EFCAB8: variants seen among roughly 807,000 people sequenced by gnomAD.
EFCAB8 encodes EF-hand calcium-binding domain-containing protein 8.
In EFCAB8, 100 loss-of-function variants were observed where a neutral mutation model predicts 116.3. The observed-to-expected ratio is 0.86, with a 90% CI of 0.73 to 1.02. EFCAB8 has a LOEUF of 1.02. Ranked by LOEUF, EFCAB8 falls within the 50% of genes least tolerant of loss-of-function variation. The pLI, the probability that EFCAB8 is intolerant of heterozygous loss-of-function variation, is 0.00. For missense variants in EFCAB8, 1,320 were observed against 1,416.9 expected (o/e 0.93, Z 1.10); for synonymous variants, 558 against 567.9 (o/e 0.98, Z 0.25).
intron 7 of EFCAB8, among the ~76,000 whole-genome samples, chr20:32,891,713 G>A (rs1985921668): frequency 6.6e-6 from 1 of 152,220 alleles, no homozygotes; most frequent in South Asian, 2.1e-4. Flanking sequence ...GGCCGGCCAC[G>A]TAGAGAGGCA....
intron 16 of EFCAB8, 40 bp from the exon 17 acceptor site, chr20:32,912,754 T>C (rs1987001785): frequency 2.8e-6 from 2 of 717,700 alleles, no homozygotes; most frequent in Non-Finnish European, 5.2e-6. Context: ...CCATTTTCTC[T>C]GATAAGTTTT....
In EFCAB8 at chr20:32,931,264, C is replaced by T. The variant is rs754327680; in HGVS notation, c.2718C>T (p.Asn906=). 16 of 1,551,642 alleles carry T rather than the reference C, an allele frequency of 1.0e-5. No homozygotes were observed. Among genetic ancestry groups the T allele is most frequent in the Non-Finnish European group, 6.1e-6 (7 of 1,146,950 alleles). Residue 906 remains asparagine (N), a synonymous_variant, in exon 22 of 27, where the codon AAC becomes AAT. Coordinates refer to ENST00000400522, the MANE Select transcript of EFCAB8 (RefSeq NM_001143967.2). ...CCAAGGTTGTCTCTGAAGCACACAA[C>T]AAGTTCCGGTTGTTAATTCCTCAGC... ...SGAKVVSEAH[N]KFRLLIPQQL...
chr20:32,940,023 CCCTTCCTTCCTTCCTTCCTTCCTTCCTT>C (rs757461144), intron 22 of EFCAB8, among the ~76,000 whole-genome samples: 1 of 56,074 alleles, frequency 1.8e-5, no homozygotes, highest in Non-Finnish European at 3.4e-5. Flanking sequence ...CTCCCTCCCT[CCCTTCCTTCCTTCCTTCCTTCCTTCCTT>C]CCTTCCTTCC....
intron 23 of EFCAB8, among the ~76,000 whole-genome samples, chr20:32,954,093 A>G (rs1289619397): frequency 6.6e-6 from 1 of 152,174 alleles, no homozygotes; most frequent in Non-Finnish European, 1.5e-5. Context: ...GATGTGAGCC[A>G]CCACACCCAG....
At chr20:32,906,467 C>A in intron 11 of EFCAB8, 95 bp from the exon 12 acceptor site, 1 of 701,558 alleles carries the variant, frequency 1.4e-6, no homozygotes, top group Non-Finnish European at 2.6e-6. Flanking sequence ...CTGGGAGGCT[C>A]TGCCTCTAGC....
chr20:32,865,099 C>T (rs950762042), intron 2 of EFCAB8, among the ~76,000 whole-genome samples: 4 of 152,192 alleles, frequency 2.6e-5, no homozygotes, highest in African/African-American at 9.7e-5. Flanking sequence ...GTGTGCTTCC[C>T]CTCATGCCTT....
At chr20:32,942,900 T>G (rs1988449671) in intron 22 of EFCAB8, among the ~76,000 whole-genome samples, 1 of 152,230 alleles carries the variant, frequency 6.6e-6, no homozygotes, top group African/African-American at 2.4e-5. Flanking sequence ...TTACCACTCT[T>G]ACTATATACC....
At chr20:32,910,435 G>C (rs949929590) in intron 15 of EFCAB8, among the ~76,000 whole-genome samples, 1 of 152,142 alleles carries the variant, frequency 6.6e-6, no homozygotes, top group South Asian at 2.1e-4. Flanking sequence ...TTGCTTCTGA[G>C]GTGTGAGGAT....
At chr20:32,891,150 C>G (rs1009921005) in intron 7 of EFCAB8, among the ~76,000 whole-genome samples, 1 of 152,184 alleles carries the variant, frequency 6.6e-6, no homozygotes, top group Non-Finnish European at 1.5e-5. Flanking sequence ...CACTCTGTCA[C>G]CCAGGCTGGA....
rs991918481 is a variant in EFCAB8 at position 32,908,317 on chromosome 20, T to C, written c.1351T>C (p.Ser451Pro). Residue 451 changes from serine to proline, a missense_variant, in exon 14 of 27, where the codon TCC becomes CCC. Physicochemically the swap from Ser to Pro is moderately conservative, Grantham distance 74 (BLOSUM62 -1). Transcript: ENST00000400522. ...CATGCTGGACTACATATGCCTCCAGTCCTTCTGTGGGAAGTTTTTTGCTCT... is the reference window on the plus strand; with the variant it reads ...CATGCTGGACTACATATGCCTCCAGCCCTTCTGTGGGAAGTTTTTTGCTCT... ...WDMLDYICLQSFCGKFFALGN... is the reference protein window; with the variant it reads ...WDMLDYICLQPFCGKFFALGN... 6.4e-6 allele frequency: 8 copies of C among 1,249,818 alleles called. No homozygotes were observed. The Admixed American group carries it at 3.4e-4, about 53-fold the overall frequency. The allele number at this position is 1,249,818 out of a possible 1,614,324, so 77.4% of individuals were successfully genotyped here.
chr20:32,875,833 C>T lies in EFCAB8; in HGVS notation c.209-93C>T, dbSNP rs752298671. On this transcript the variant is annotated intron_variant, in intron 3 of 26. Transcript: ENST00000400522. ...CGTAGATGTGGTCTTCAGTGTGTCC[C>T]CCTCAGCACCCAGACACTTGAGAAC... 5 of 1,134,888 alleles carry T rather than the reference C, an allele frequency of 4.4e-6. No individual in the cohort carries two copies. In the African/African-American group the frequency reaches 4.6e-5, roughly 11 times the overall value. 70.3% of individuals were successfully genotyped at this position (1,134,888 alleles called of 1,614,324 possible).
chr20:32,885,775 G>A, intron 6 of EFCAB8, 135 bp downstream of exon 6: 2 of 1,166,136 alleles, frequency 1.7e-6, no homozygotes, highest in Non-Finnish European at 2.4e-6. Context: ...CACAGCACCT[G>A]GGTCCTGACT....
intron 1 of EFCAB8, among the ~76,000 whole-genome samples, chr20:32,860,033 G>A (rs186408541): frequency 1.4e-3 from 207 of 152,272 alleles, no homozygotes; most frequent in African/African-American, 4.9e-3. Flanking sequence ...GGCCAGGCGC[G>A]GTGACTCACG....
chr20:32,935,927 G>T (rs1042942080), intron 22 of EFCAB8, among the ~76,000 whole-genome samples: 7 of 151,946 alleles, frequency 4.6e-5, no homozygotes, highest in African/African-American at 1.7e-4. Flanking sequence ...TCACTCTGTG[G>T]GTTATCTCTT....
intron 20 of EFCAB8, among the ~76,000 whole-genome samples, chr20:32,929,627 C>T (rs1987816872): frequency 6.6e-6 from 1 of 151,714 alleles, no homozygotes; most frequent in Non-Finnish European, 1.5e-5. Flanking sequence ...CAGGTATGAG[C>T]CACCATGAGA....
intron 5 of EFCAB8, 98 bp downstream of exon 5, chr20:32,878,905 G>A (rs923492237): frequency 9.6e-6 from 10 of 1,038,816 alleles, no homozygotes; most frequent in African/African-American, 9.5e-5. Flanking sequence ...GACCTTGCTG[G>A]TGCTGACCAG....
At chr20:32,878,028 C>T (rs544895808) in intron 4 of EFCAB8, among the ~76,000 whole-genome samples, 1 of 152,234 alleles carries the variant, frequency 6.6e-6, no homozygotes, top group South Asian at 2.1e-4. Context: ...ACCTTTAATC[C>T]TAGAACTTTG....
At chr20:32,873,509 C>T (rs891313410) in intron 3 of EFCAB8, among the ~76,000 whole-genome samples, 3 of 151,944 alleles carry the variant, frequency 2.0e-5, no homozygotes, top group Non-Finnish European at 4.4e-5. Flanking sequence ...GCCTGTTCCT[C>T]CTTTCTTCTC....
chr20:32,898,098 A>C (rs1986250038), intron 10 of EFCAB8, among the ~76,000 whole-genome samples: 1 of 152,084 alleles, frequency 6.6e-6, no homozygotes, highest in Non-Finnish European at 1.5e-5. Flanking sequence ...ACAAACATGG[A>C]GGGTGGCAGT....
Sources: gnomAD v4.1 joint callset for allele counts (sites outside exome capture counted in the v4.1 genomes callset) on GRCh38, gnomAD v4.1.1 for gene constraint, MANE v1.5 for transcripts, NCBI Gene and HGNC (gene_info 2026-07-23, HGNC 2026-07-21) for gene names.